Variants in RADX observed in about 807,000 individuals in gnomAD.
RADX encodes RPA1 related single stranded DNA binding protein, X-linked, also known as RPA-related protein RADX.
In RADX, 36 loss-of-function variants were observed where a neutral mutation model predicts 61.6. The observed-to-expected ratio is 0.58, with a 90% confidence interval of 0.45 to 0.77. The LOEUF (loss-of-function observed/expected upper bound fraction) is 0.77, where lower values mean the gene tolerates loss of function less well. Ranked by LOEUF, RADX falls within the 30% of genes least tolerant of loss-of-function variation. The pLI, the probability that RADX is intolerant of heterozygous loss-of-function variation, is 0.00. For missense variants in RADX, 497 were observed against 651.1 expected, an observed-to-expected ratio of 0.76 and a Z score of 2.58; for synonymous variants, 272 against 237.9, an observed-to-expected ratio of 1.14 and a Z score of -1.32.
At chrX:106,674,101 A>T (rs771439730) in intron 13 of RADX, among the ~76,000 whole-genome samples, 9 of 111,049 alleles carry the variant, frequency 8.1e-5, no homozygotes, top group Admixed American at 7.6e-4. Flanking sequence ...CAGTGTTATG[A>T]AGTTAAAACC....
At chrX:106,643,970 C>T (rs368151429) in intron 10 of RADX, among the ~76,000 whole-genome samples, 2 of 111,289 alleles carry the variant, frequency 1.8e-5, no homozygotes, top group East Asian at 2.8e-4. Context: ...TGTTTTATAG[C>T]TTTCATTATA....
In RADX at chrX:106,632,997, G is replaced by A. The variant is rs1927271139; in HGVS notation, c.1154G>A (p.Gly385Glu). The A allele has an allele frequency of 8.3e-7, 1 of 1,206,500 alleles. No individual in the cohort carries two copies. Among genetic ancestry groups the A allele is most frequent in the African/African-American group, 1.7e-5 (1 of 57,191 alleles). The change falls in exon 5 of 14, where the codon GGA (glycine) becomes GAA (glutamate). Residue 385 changes from glycine to glutamate, a missense_variant. By Grantham distance (98) the Gly-to-Glu change is moderately conservative. Coordinates refer to ENST00000372548, the MANE Select transcript of RADX (RefSeq NM_018015.6). The part of the protein sequence containing the change: ...CDVIGLLVFV[G>E]RVQRSKKKEN... ...GTTATTGGCCTTTTAGTTTTTGTAG[G>A]AAGGGTCCAGCGGTCAAAAAAGAAA...
Position 106,662,018 on chromosome X carries a change from G to A in RADX, c.1982G>A (p.Arg661Gln), listed in dbSNP as rs150560497. Residue 661 changes from arginine (R) to glutamine (Q), a missense_variant, in exon 12 of 14, where the codon CGA becomes CAA. By Grantham distance (43) the Arg-to-Gln change is conservative. This residue lies in a region of RADX where 267 missense variants were observed against 306.9 expected (regional missense o/e 0.87). Coordinates refer to ENST00000372548, the MANE Select transcript of RADX (RefSeq NM_018015.6). The part of the protein sequence containing the change: ...KPGMPSIFNR[R>Q]ANINANLQGK... The stretch of plus-strand genomic sequence containing the variant: ...TATCTCCTTGTGTCTTTAACAGGTC[G>A]AGCAAATATAAATGCTAATCTGCAA... 1.0e-3 allele frequency: 1,263 copies of A among 1,205,469 alleles called. 2 individuals carry two copies. Among genetic ancestry groups the A allele is most frequent in the South Asian group, 1.2e-3 (70 of 56,397 alleles).
chrX:106,673,748 T>C (rs1326190499), intron 13 of RADX, among the ~76,000 whole-genome samples: 1 of 98,748 alleles, frequency 1.0e-5, no homozygotes, highest in African/African-American at 3.9e-5. Context: ...AGGACTCTCC[T>C]AGGAGCTGCA....
intron 11 of RADX, among the ~76,000 whole-genome samples, chrX:106,657,249 ACTTAT>A (rs1927963608): frequency 8.9e-6 from 1 of 111,810 alleles, no homozygotes; most frequent in South Asian, 3.7e-4. Context: ...CAGCTTCCTC[ACTTAT>A]CTTAGCCTTC....
At chrX:106,646,114 A>G (rs924308895) in intron 10 of RADX, among the ~76,000 whole-genome samples, 1 of 111,168 alleles carries the variant, frequency 9.0e-6, no homozygotes, top group Non-Finnish European at 1.9e-5. Context: ...TCTGATATAA[A>G]GATAGCTACT....
At position 106,640,934 on chromosome X, in the gene RADX, T is replaced by G. The variant is rs913602922; in HGVS notation, c.1904+213T>G. Among the ~76,000 whole-genome samples the G allele has an allele frequency of 6.3e-5, 7 of 110,856 alleles. No individual in the cohort carries two copies. In the Admixed American group the frequency reaches 6.7e-4, roughly 11 times the overall value. On this transcript the variant is annotated intron_variant, in intron 10 of 13. Coordinates refer to ENST00000372548, the MANE Select transcript of RADX (RefSeq NM_018015.6). The stretch of plus-strand genomic sequence containing the variant: ...CAAGGTGTCAACAGCATTGGTTCCC[T>G]CAGGGCTGCGAGAGAGAATCTGTTC...
intron 13 of RADX, among the ~76,000 whole-genome samples, chrX:106,673,679 T>TCC (rs1331044844): frequency 1.6e-4 from 14 of 85,191 alleles, no homozygotes; most frequent in African/African-American, 6.8e-4. Flanking sequence ...CTCCCCCCCA[T>TCC]CCCCCCCCAC....
intron 1 of RADX, among the ~76,000 whole-genome samples, chrX:106,617,387 A>C (rs902147327): frequency 9.0e-6 from 1 of 111,111 alleles, no homozygotes; most frequent in Non-Finnish European, 1.9e-5. Context: ...TTTAAAGTTT[A>C]TTATTATACC....
At chrX:106,665,151 A>G (rs1210451813) in intron 12 of RADX, among the ~76,000 whole-genome samples, 1 of 112,229 alleles carries the variant, frequency 8.9e-6, no homozygotes, top group African/African-American at 3.2e-5. Flanking sequence ...CAATAAACTC[A>G]GAAGAGAGGA....
chrX:106,627,848 T>C (rs1193165766), intron 3 of RADX, among the ~76,000 whole-genome samples: 2 of 111,677 alleles, frequency 1.8e-5, no homozygotes, highest in East Asian at 5.6e-4. Flanking sequence ...TATTTATTTA[T>C]TTTTTGAGAC....
intron 13 of RADX, among the ~76,000 whole-genome samples, chrX:106,671,619 C>T (rs1338862419): frequency 1.9e-4 from 21 of 111,505 alleles, no homozygotes; most frequent in Non-Finnish European, 3.8e-4. Flanking sequence ...AATGGTGATG[C>T]TAATTTACAC....
chrX:106,620,122 A>G (rs1277052969), intron 1 of RADX, among the ~76,000 whole-genome samples: 1 of 111,577 alleles, frequency 9.0e-6, no homozygotes, highest in Non-Finnish European at 1.9e-5. Flanking sequence ...CAGGGGCTAA[A>G]TGACGTGTGA....
intron 1 of RADX, among the ~76,000 whole-genome samples, chrX:106,622,209 G>C (rs1447807221): frequency 9.0e-6 from 1 of 111,160 alleles, no homozygotes; most frequent in African/African-American, 3.3e-5. Context: ...GAAGTGCTCA[G>C]ATTATAGGCA....
In RADX at chrX:106,678,510, G is replaced by A; in HGVS notation, c.*252G>A. 4.5e-6 allele frequency: 1 copy of A among 220,412 alleles called. No homozygotes were observed. Among genetic ancestry groups the A allele is most frequent in the Non-Finnish European group, 8.2e-6 (1 of 121,497 alleles). 18.2% of individuals were successfully genotyped at this position (220,412 alleles called of 1,213,427 possible). A position where few individuals can be genotyped will look rare whatever the true frequency, so the allele number is the denominator to read the frequency against. ...TTTACCTTGCTTACCTTACTAGTAT[G>A]ACTATTATCTTGACTTCTGGTAATT... On this transcript the variant is annotated 3_prime_UTR_variant, in exon 14 of 14. Transcript: ENST00000372548.
At chrX:106,669,362 A>G (rs80010100) in intron 13 of RADX, 32 bp downstream of exon 13, 1 of 547,961 alleles carries the variant, frequency 1.8e-6, no homozygotes, top group Non-Finnish European at 2.4e-6. Flanking sequence ...TTTCACTCAG[A>G]AAAAAAAAAA....
intron 2 of RADX, 90 bp downstream of exon 2, chrX:106,622,883 A>G: frequency 4.3e-6 from 2 of 466,153 alleles, no homozygotes; most frequent in Non-Finnish European, 3.4e-6. Flanking sequence ...CTGTTCGTTT[A>G]AATAACATTT....
chrX:106,636,568 G>A lies in RADX; in HGVS notation c.1329G>A (p.Leu443=). ...YPMAYFVCTQ[L]KVVRNDNQVP... is the part of the protein sequence containing the mutation. ...TGGCATATTTTGTGTGTACACAGTT[G>A]AAAGTTGTCAGAAATGACAATCAAG... The change falls in exon 7 of 14, where the codon TTG becomes TTA. Residue 443 remains leucine (L), a synonymous_variant. Coordinates refer to ENST00000372548, the MANE Select transcript of RADX (RefSeq NM_018015.6). 8.3e-7 allele frequency: 1 copy of A among 1,200,119 alleles called. No homozygotes were observed. The highest frequency in any genetic ancestry group is 1.8e-5 in the South Asian group (1 of 56,003).
intron 11 of RADX, among the ~76,000 whole-genome samples, 199 bp downstream of exon 11, chrX:106,648,585 C>T (rs976133257): frequency 1.8e-5 from 2 of 111,310 alleles, no homozygotes; most frequent in Non-Finnish European, 3.8e-5. Flanking sequence ...TTTAAACAAA[C>T]TTATACTTAC....
Sources: allele counts gnomAD v4.1 joint callset (sites outside exome capture counted in the v4.1 genomes callset), GRCh38; gene constraint gnomAD v4.1.1; regional missense constraint gnomAD v4.1.1; transcripts MANE v1.5; gene names NCBI Gene and HGNC (gene_info 2026-07-23, HGNC 2026-07-21).